The following DNAH1 variants were observed in gnomAD, a reference collection of about 807,000 sequenced individuals.
The protein encoded by DNAH1 is axonemal beta dynein heavy chain 1.
Under a neutral mutation model 484.3 loss-of-function variants are expected in DNAH1, and 327 were observed. The observed-to-expected ratio is 0.68, with a 90% CI of 0.62 to 0.74. The LOEUF is 0.74. Ranked by LOEUF, DNAH1 falls within the 30% of genes least tolerant of loss-of-function variation. The pLI, the probability that DNAH1 is intolerant of heterozygous loss-of-function variation, is 0.00. For synonymous variants in DNAH1, 2,192 were observed against 2,191.9 expected, an observed-to-expected ratio of 1.00 and a Z score of 0.00; for missense variants, 5,052 against 5,546.8, an observed-to-expected ratio of 0.91 and a Z score of 2.83.
Position 52,358,110 on chromosome 3 carries a change from A to G in DNAH1, c.4086+107A>G, listed in dbSNP as rs1395487088. 6 of 892,242 alleles carry G rather than the reference A, an allele frequency of 6.7e-6. No homozygotes were observed. The highest frequency in any genetic ancestry group is 1.0e-5 in the Non-Finnish European group (6 of 598,240). The allele number at this position is 892,242 out of a possible 1,614,324, so 55.3% of individuals were successfully genotyped here. On this transcript the variant is annotated intron_variant, in intron 24 of 77. Transcript: ENST00000420323. This position sits in a 1 kb window ranked among gnomAD's most constrained non-coding sequence, Gnocchi z 4.2. ...CTTTTAGCAGGAAATGTGGCAAATG[A>G]CATTCCTGGTCTTTGGAGACACACC...
In DNAH1 at chr3:52,393,498, A is replaced by G; in HGVS notation, c.10626+13A>G. On this transcript the variant is annotated intron_variant, in intron 66 of 77. Transcript: ENST00000420323. ...CAAAATCAACCAGGTGCTGGCAGAG[A>G]CACCCAGGACAGACTGCCTGAGGGG... 1 of 1,613,432 alleles carries G rather than the reference A, an allele frequency of 6.2e-7. No individual in the cohort carries two copies. Among genetic ancestry groups the G allele is most frequent in the East Asian group, 2.2e-5 (1 of 44,872 alleles).
rs1309398930 is a variant in DNAH1 at position 52,355,953 on chromosome 3, G to A, written c.3694-661G>A. ...CCCCTTAGTGGGCTGTGGGCCCCTC[G>A]AGGGAAGGGACCAGGCCGCATTCCC... On this transcript the variant is annotated intron_variant, in intron 21 of 77. Coordinates refer to ENST00000420323, the MANE Select transcript of DNAH1 (RefSeq NM_015512.5). This position sits in a 1 kb window ranked among gnomAD's most constrained non-coding sequence, Gnocchi z 4.5. Among the ~76,000 whole-genome samples, 5 of 152,198 alleles carry A rather than the reference G, an allele frequency of 3.3e-5. No individual in the cohort carries two copies. The highest frequency in any genetic ancestry group is 1.2e-4 in the African/African-American group (5 of 41,446).
In DNAH1 at chr3:52,380,093, C is replaced by T; in HGVS notation, c.7566C>T (p.Gly2522=). The change falls in exon 48 of 78, where the codon GGC becomes GGT. Residue 2522 remains glycine, a synonymous_variant. Coordinates refer to ENST00000420323, the MANE Select transcript of DNAH1 (RefSeq NM_015512.5). ...TTTACGGGGACTTCATGTCACCAGG[C>T]TCCGATGTCAAGTCCTACGAGCTCA... ...PILYGDFMSP[G]SDVKSYELIT... 1.2e-6 allele frequency: 2 copies of T among 1,605,034 alleles called. No homozygotes were observed. Among genetic ancestry groups the T allele is most frequent in the East Asian group, 2.2e-5 (1 of 44,488 alleles).
chr3:52,339,308 A>G (rs1018808439), intron 8 of DNAH1, among the ~76,000 whole-genome samples: 1 of 148,868 alleles, frequency 6.7e-6, no homozygotes, highest in East Asian at 2.0e-4. Context: ...CCTTTCTTCA[A>G]TTTACTTCAT....
Position 52,395,298 on chromosome 3 carries a change from G to A in DNAH1, c.10969-10G>A, listed in dbSNP as rs1274138878. 1.2e-6 allele frequency: 2 copies of A among 1,612,454 alleles called. No homozygotes were observed. The highest frequency in any genetic ancestry group is 1.7e-6 in the Non-Finnish European group (2 of 1,179,288). On this transcript the variant is annotated splice_polypyrimidine_tract_variant and intron_variant, in intron 68 of 77. Coordinates refer to ENST00000420323, the MANE Select transcript of DNAH1 (RefSeq NM_015512.5). The surrounding 1 kb of genome is among the most constrained non-coding windows in gnomAD (Gnocchi z 4.4). ...CCAGGTGGTCTCAGCATCTCCCCCT[G>A]CCCTTGCAGACAGCCAATCTGTCAG...
At position 52,363,035 on chromosome 3, in the gene DNAH1, C is replaced by A; in HGVS notation, c.5135C>A (p.Ala1712Asp). 3 of 1,614,012 alleles carry A rather than the reference C, an allele frequency of 1.9e-6. No homozygotes were observed. Among genetic ancestry groups the A allele is most frequent in the Non-Finnish European group, 2.5e-6 (3 of 1,179,880 alleles). The change falls in exon 32 of 78, where the codon GCC (alanine) becomes GAC (aspartate). Residue 1712 changes from alanine to aspartate, a missense_variant. Coordinates refer to ENST00000420323, the MANE Select transcript of DNAH1 (RefSeq NM_015512.5). ...RPVAMMVPDY[A>D]MITEISLYSF... ...GTGGCCATGATGGTTCCAGATTACG[C>A]CATGATCACTGAGATCTCCCTCTAT...
At chr3:52,322,172 G>A (rs903423864) in intron 1 of DNAH1, among the ~76,000 whole-genome samples, 4 of 152,068 alleles carry the variant, frequency 2.6e-5, no homozygotes, top group Non-Finnish European at 4.4e-5. Context: ...CTTAACTCTG[G>A]GTGGGCTCAT....
At chr3:52,336,846 C>T (rs1186543528) in intron 8 of DNAH1, among the ~76,000 whole-genome samples, 1 of 152,034 alleles carries the variant, frequency 6.6e-6, no homozygotes, top group Non-Finnish European at 1.5e-5. Flanking sequence ...CCTTGTAGTA[C>T]AGTTTGAAGA....
chr3:52,349,702 C>A (rs996858385), intron 14 of DNAH1, among the ~76,000 whole-genome samples: 39 of 152,196 alleles, frequency 2.6e-4, no homozygotes, highest in African/African-American at 9.4e-4. Context: ...GGACTTGTTT[C>A]ATGGAGCTAG....
rs780337070 is a variant in DNAH1, at chr3:52,360,088, A to G, written c.4571+9A>G. 5.6e-6 allele frequency: 9 copies of G among 1,613,618 alleles called. No individual in the cohort carries two copies. Among genetic ancestry groups the G allele is most frequent in the Non-Finnish European group, 7.6e-6 (9 of 1,179,858 alleles). ...TGGATCTCACAGCTGAGGTGAGGAC[A>G]TGGGGGGCGCCCCCAGGGCCAGAGC... On this transcript the variant is annotated intron_variant, in intron 27 of 77. Coordinates refer to ENST00000420323, the MANE Select transcript of DNAH1 (RefSeq NM_015512.5).
At chr3:52,396,274 G>A in intron 70 of DNAH1, 94 bp from the exon 71 acceptor site, 3 of 1,401,326 alleles carry the variant, frequency 2.1e-6, no homozygotes, top group Non-Finnish European at 9.6e-7. Context: ...AGCCTCGCCT[G>A]ACCCACCTCA....
rs554103312 is a variant in DNAH1, at chr3:52,393,369, T to G, written c.10510T>G (p.Tyr3504Asp). The G allele has an allele frequency of 6.2e-7, 1 of 1,614,000 alleles. No homozygotes were observed. The highest frequency in any genetic ancestry group is 1.3e-5 in the African/African-American group (1 of 75,038). The change falls in exon 66 of 78, where the codon TAC becomes GAC. Residue 3504 changes from tyrosine to aspartate, a missense_variant. By Grantham distance (160) the Tyr-to-Asp change is radical. Transcript: ENST00000420323. ...GAAGCGCATCTCCAACATCAACCGC[T>G]ACCTGACCTACAGCCTCTACAGCAA... ...LKKRISNINR[Y>D]LTYSLYSNVC...
chr3:52,328,090 T>C, intron 6 of DNAH1, 76 bp downstream of exon 6: 3 of 1,568,320 alleles, frequency 1.9e-6, no homozygotes, highest in Non-Finnish European at 2.6e-6. Context: ...TGGGCTCCCC[T>C]GGGACCTGGC....
intron 46 of DNAH1, among the ~76,000 whole-genome samples, chr3:52,377,913 T>G (rs67834575): frequency 6.6e-6 from 1 of 151,960 alleles, no homozygotes; most frequent in African/African-American, 2.4e-5. Context: ...TTGTCGTCCT[T>G]ACCAACAAGA....
chr3:52,321,364 C>T (rs1227474845), intron 1 of DNAH1, among the ~76,000 whole-genome samples: 1 of 152,208 alleles, frequency 6.6e-6, no homozygotes, highest in African/African-American at 2.4e-5. Flanking sequence ...GATCCACCCG[C>T]CTCGGCCTCC....
At position 52,332,080 on chromosome 3, in the gene DNAH1, C is replaced by T; in HGVS notation, c.1034-62C>T. On this transcript the variant is annotated intron_variant, in intron 7 of 77. Coordinates refer to ENST00000420323, the MANE Select transcript of DNAH1 (RefSeq NM_015512.5). ...CATCCACGGCACAGCCGGCCGGAACCTAGTGTTTCAGCCCAGAAAGCCTGA... is the reference window on the plus strand; with the variant it reads ...CATCCACGGCACAGCCGGCCGGAACTTAGTGTTTCAGCCCAGAAAGCCTGA... 4 of 1,520,374 alleles carry T rather than the reference C, an allele frequency of 2.6e-6. No homozygotes were observed. In the South Asian group the frequency reaches 3.7e-5, roughly 14 times the overall value. The allele number at this position is 1,520,374 out of a possible 1,614,324, so 94.2% of individuals were successfully genotyped here.
chr3:52,396,262 G>A (rs1303145196), intron 70 of DNAH1, 106 bp from the exon 71 acceptor site: 5 of 1,277,436 alleles, frequency 3.9e-6, no homozygotes, highest in Non-Finnish European at 5.3e-6. Context: ...AGTTGTCTGT[G>A]CAGCCTCGCC....
In DNAH1 at chr3:52,348,871, AT is replaced by A; in HGVS notation, c.2107-16del. Reference sequence around the variant, plus strand: ...GGCTCATCCAGGTCTGCCCTGCCACATGCCTTCCCTCTGCAGCTGGTGATGG... The same window carrying A: ...GGCTCATCCAGGTCTGCCCTGCCACAGCCTTCCCTCTGCAGCTGGTGATGG... On this transcript the variant is annotated splice_polypyrimidine_tract_variant and intron_variant, in intron 12 of 77. Transcript: ENST00000420323. 1.2e-6 allele frequency: 2 copies of A among 1,609,932 alleles called. No individual in the cohort carries two copies. The highest frequency in any genetic ancestry group is 8.5e-7 in the Non-Finnish European group (1 of 1,178,728).
In DNAH1 at chr3:52,372,352, G is replaced by A. The variant is rs779354282; in HGVS notation, c.6792G>A (p.Gln2264=). The change falls in exon 43 of 78, where the codon CAG becomes CAA. Residue 2264 remains glutamine (Q), a synonymous_variant. Coordinates refer to ENST00000420323, the MANE Select transcript of DNAH1 (RefSeq NM_015512.5). ...LTFSARTSAN[Q]TQDFIDSKLD... The stretch of plus-strand genomic sequence containing the variant: ...TCTCAGCCCGCACTTCAGCCAACCA[G>A]ACCCAGGACTTCATTGACAGCAAGC... 2 of 1,613,930 alleles carry A rather than the reference G, an allele frequency of 1.2e-6. No homozygotes were observed. Among genetic ancestry groups the A allele is most frequent in the Non-Finnish European group, 1.7e-6 (2 of 1,179,874 alleles).
Sources: allele counts gnomAD v4.1 joint callset (sites outside exome capture counted in the v4.1 genomes callset), GRCh38; gene constraint gnomAD v4.1.1; non-coding constraint Gnocchi (gnomAD v3.1); transcripts MANE v1.5; gene names NCBI Gene and HGNC (gene_info 2026-07-23, HGNC 2026-07-21).